PEBP4: variants seen among roughly 807,000 people sequenced by gnomAD.
The protein encoded by PEBP4 is phosphatidylethanolamine binding protein 4, also known as phosphatidylethanolamine-binding protein 4.
In PEBP4, 22 loss-of-function variants were observed where a neutral mutation model predicts 23.9. That is an observed-to-expected ratio of 0.92 (90% CI 0.66 to 1.31). The LOEUF (loss-of-function observed/expected upper bound fraction) is 1.31, where lower values mean the gene tolerates loss of function less well. Ranked by LOEUF, PEBP4 falls within the 40% of genes most tolerant of loss-of-function variation. The pLI, the probability that PEBP4 is intolerant of heterozygous loss-of-function variation, is 0.00. For synonymous variants in PEBP4, 112 were observed against 99.3 expected, an observed-to-expected ratio of 1.13 and a Z score of -0.76; for missense variants, 324 against 281.7, an observed-to-expected ratio of 1.15 and a Z score of -1.07.
chr8:22,866,387 A>C (rs1318107400), intron 3 of PEBP4, among the ~76,000 whole-genome samples: 3 of 152,208 alleles, frequency 2.0e-5, no homozygotes, highest in Admixed American at 2.0e-4. Flanking sequence ...CAGAGAGATG[A>C]ACAGCCACTC....
intron 2 of PEBP4, chr8:22,924,997 G>A (rs1326331243): frequency 1.0e-6 from 1 of 985,204 alleles, no homozygotes; most frequent in Admixed American, 6.1e-5. Context: ...CAAGAGGAGT[G>A]CCTTCTCTGG....
chr8:22,892,889 G>A (rs538301737), intron 3 of PEBP4, among the ~76,000 whole-genome samples: 2 of 152,308 alleles, frequency 1.3e-5, no homozygotes, highest in South Asian at 4.1e-4. Context: ...AGTACAGAAA[G>A]AGAGAACCCA....
intron 1 of PEBP4, among the ~76,000 whole-genome samples, chr8:22,937,085 G>A (rs989199066): frequency 1.3e-5 from 2 of 152,122 alleles, no homozygotes; most frequent in East Asian, 1.9e-4. Context: ...TATATAGAAA[G>A]TTCTAGCCAG....
rs1804353908 is a variant in PEBP4, at chr8:22,713,594, T to C, written c.518-58A>G. 3.1e-6 allele frequency: 5 copies of C among 1,611,690 alleles called. No homozygotes were observed. In the South Asian group the frequency reaches 5.5e-5, roughly 18 times the overall value. ...GAGAAAGAGCCATGGACTTGAAAGC[T>C]GGCAGGGGCCTGAGAGGGAGGCCGG... On this transcript the variant is annotated intron_variant, in intron 6 of 6. Transcript: ENST00000256404.
At chr8:22,875,178 T>C (rs1352674077) in intron 3 of PEBP4, among the ~76,000 whole-genome samples, 2 of 151,896 alleles carry the variant, frequency 1.3e-5, no homozygotes, top group African/African-American at 4.8e-5. Context: ...CTCAGGTGCC[T>C]GATGAGTTGC....
At chr8:22,878,434 T>C (rs1030658549) in intron 3 of PEBP4, among the ~76,000 whole-genome samples, 1 of 152,184 alleles carries the variant, frequency 6.6e-6, no homozygotes, top group Non-Finnish European at 1.5e-5. Context: ...CCCGGCCGTG[T>C]GGCAGTGGCC....
At chr8:22,759,698 A>C (rs1282886386) in intron 4 of PEBP4, among the ~76,000 whole-genome samples, 1 of 152,172 alleles carries the variant, frequency 6.6e-6, no homozygotes, top group African/African-American at 2.4e-5. Context: ...CTTTTTGAGA[A>C]ATGCAGAGAG....
chr8:22,922,174 A>C (rs1357581051), intron 2 of PEBP4, among the ~76,000 whole-genome samples: 2 of 152,210 alleles, frequency 1.3e-5, no homozygotes, highest in African/African-American at 2.4e-5. Flanking sequence ...CCCATAGGGC[A>C]CTGCCAGGCC....
intron 4 of PEBP4, among the ~76,000 whole-genome samples, chr8:22,756,620 C>T (rs945564546): frequency 2.6e-5 from 4 of 152,206 alleles, no homozygotes; most frequent in Admixed American, 2.0e-4. Flanking sequence ...TGCATCCCTT[C>T]CTGCCTTAAA....
chr8:22,719,805 G>T (rs932611314), intron 6 of PEBP4, among the ~76,000 whole-genome samples: 1 of 152,200 alleles, frequency 6.6e-6, no homozygotes, highest in Non-Finnish European at 1.5e-5. Flanking sequence ...GAGGGGCAGG[G>T]TGGCTGGTGG....
At chr8:22,721,044 C>T (rs537229894) in intron 6 of PEBP4, among the ~76,000 whole-genome samples, 1 of 152,114 alleles carries the variant, frequency 6.6e-6, no homozygotes, top group Non-Finnish European at 1.5e-5. Flanking sequence ...GTTTCATCAG[C>T]TAGAAGTGGG....
chr8:22,795,143 G>GTGTATATATATATATATA (rs1268855798), intron 4 of PEBP4, among the ~76,000 whole-genome samples: 2 of 49,908 alleles, frequency 4.0e-5, no homozygotes, highest in East Asian at 8.8e-4. Flanking sequence ...ATGTGTGTGT[G>GTGTATATATATATATATA]TATATATATA....
intron 3 of PEBP4, among the ~76,000 whole-genome samples, chr8:22,898,700 A>T (rs1296166532): frequency 6.6e-6 from 1 of 152,150 alleles, no homozygotes; most frequent in Non-Finnish European, 1.5e-5. Context: ...CCCTTTCTTT[A>T]TCCTCTGGAG....
At chr8:22,920,456 G>A (rs1809176643) in intron 2 of PEBP4, 146 bp from the exon 3 acceptor site, 1 of 957,342 alleles carries the variant, frequency 1.0e-6, no homozygotes, top group Admixed American at 2.8e-5. Context: ...TGACCGAAGA[G>A]TTACTTGACC....
chr8:22,754,190 T>C (rs571468304), intron 4 of PEBP4, among the ~76,000 whole-genome samples: 19 of 152,146 alleles, frequency 1.2e-4, no homozygotes, highest in Non-Finnish European at 1.5e-5. Flanking sequence ...GAAGCTGCCC[T>C]AGACCCCTGG....
At chr8:22,816,780 T>C (rs1305243724) in intron 4 of PEBP4, among the ~76,000 whole-genome samples, 1 of 152,160 alleles carries the variant, frequency 6.6e-6, no homozygotes, top group Non-Finnish European at 1.5e-5. Flanking sequence ...TCTGCAGGTG[T>C]TCTAGGCACA....
intron 3 of PEBP4, among the ~76,000 whole-genome samples, chr8:22,907,910 T>C (rs987423677): frequency 3.3e-5 from 5 of 151,868 alleles, no homozygotes; most frequent in Non-Finnish European, 7.4e-5. Context: ...CTGGATATAG[T>C]TTCCTGGTGC....
At position 22,867,440 on chromosome 8, in the gene PEBP4, C is replaced by T. The variant is rs1312136995; in HGVS notation, c.259-49705G>A. On this transcript the variant is annotated intron_variant, in intron 3 of 6. Transcript: ENST00000256404. Reference sequence around the variant, plus strand: ...CCAGCCCTTGTGCCGTTCTGCCCATCTCACAGAGGTCTCCTTAGCACACCA... The same window carrying T: ...CCAGCCCTTGTGCCGTTCTGCCCATTTCACAGAGGTCTCCTTAGCACACCA... Among the ~76,000 whole-genome samples, 5 of 152,208 alleles carry T rather than the reference C, an allele frequency of 3.3e-5. No homozygotes were observed. In the East Asian group the frequency reaches 9.6e-4, roughly 29 times the overall value.
intron 3 of PEBP4, among the ~76,000 whole-genome samples, chr8:22,916,138 C>T (rs1005896326): frequency 6.6e-6 from 1 of 152,182 alleles, no homozygotes; most frequent in African/African-American, 2.4e-5. Context: ...GCAGGACAGA[C>T]CGAGGCAGCC....
Sources: allele counts gnomAD v4.1 joint callset (sites outside exome capture counted in the v4.1 genomes callset), GRCh38; gene constraint gnomAD v4.1.1; transcripts MANE v1.5; gene names NCBI Gene and HGNC (gene_info 2026-07-23, HGNC 2026-07-21).